The following KIAA1755 variants were observed in gnomAD, a reference collection of about 807,000 sequenced individuals.
KIAA1755 encodes uncharacterized protein KIAA1755.
KIAA1755 carries 68 observed loss-of-function variants against 91.7 expected under a neutral mutation model. The observed-to-expected ratio is 0.74, with a 90% CI of 0.61 to 0.91. The LOEUF is 0.91. Ranked by LOEUF, KIAA1755 falls within the 40% of genes least tolerant of loss-of-function variation. KIAA1755 has a pLI of 0.00. For missense variants in KIAA1755, 1,535 were observed against 1,494.4 expected (o/e 1.03, Z -0.45); for synonymous variants, 610 against 604.6 (o/e 1.01, Z -0.13).
intron 1 of KIAA1755, among the ~76,000 whole-genome samples, chr20:38,246,902 A>C (rs1464920029): frequency 6.6e-6 from 1 of 152,054 alleles, no homozygotes; most frequent in Non-Finnish European, 1.5e-5. Flanking sequence ...ACCCACAATC[A>C]GCCCTCAGTG....
At chr20:38,219,414 AGCTCTTGGG>A (rs2075614331) in intron 11 of KIAA1755, among the ~76,000 whole-genome samples, 1 of 152,224 alleles carries the variant, frequency 6.6e-6, no homozygotes, top group Admixed American at 6.5e-5. Context: ...CAATAAGTGC[AGCTCTTGGG>A]GCTATGTTTT....
chr20:38,230,616 C>T (rs969767861), intron 5 of KIAA1755, among the ~76,000 whole-genome samples: 6 of 152,184 alleles, frequency 3.9e-5, no homozygotes, highest in African/African-American at 1.2e-4. Flanking sequence ...CGGCCAGGCA[C>T]GGTGGCTCAC....
At position 38,228,139 on chromosome 20, in the gene KIAA1755, C is replaced by A. The variant is rs759502617; in HGVS notation, c.1965+8G>T. 6.3e-7 allele frequency: 1 copy of A among 1,589,170 alleles called. No individual in the cohort carries two copies. Among genetic ancestry groups the A allele is most frequent in the Non-Finnish European group, 8.6e-7 (1 of 1,168,194 alleles). On this transcript the variant is annotated splice_region_variant and intron_variant, in intron 6 of 13. Transcript: ENST00000279024. ...TTACTAGGCTAAGGCTCTCCACCTC[C>A]CACTCACCTGGGTGGCCTGCAGGGC...
At chr20:38,233,813 TA>T (rs1244845775) in intron 4 of KIAA1755, 1 of 152,196 alleles carries the variant, frequency 6.6e-6, no homozygotes, top group African/African-American at 2.4e-5. Context: ...CACTAGGTGT[TA>T]GGGGCGAAGC....
chr20:38,258,914 G>A (rs1376234110), intron 1 of KIAA1755, among the ~76,000 whole-genome samples: 1 of 152,216 alleles, frequency 6.6e-6, no homozygotes, highest in Non-Finnish European at 1.5e-5. Context: ...GGGGTTCAAT[G>A]AGGGGTTTCT....
intron 4 of KIAA1755, among the ~76,000 whole-genome samples, chr20:38,232,488 C>T (rs2075885348): frequency 6.6e-6 from 1 of 151,958 alleles, no homozygotes; most frequent in South Asian, 2.1e-4. Context: ...ATTAGCCAGG[C>T]ATGGTGGCGG....
chr20:38,242,079 C>G, intron 2 of KIAA1755, 150 bp from the exon 3 acceptor site: 1 of 778,768 alleles, frequency 1.3e-6, no homozygotes, highest in South Asian at 1.8e-5. Flanking sequence ...CAAGGTTGTG[C>G]AAAGGTTGAC....
chr20:38,246,140 G>T lies in KIAA1755; in HGVS notation c.4-14C>A. 1 of 1,607,800 alleles carries T rather than the reference G, an allele frequency of 6.2e-7. No homozygotes were observed. Among genetic ancestry groups the T allele is most frequent in the South Asian group, 1.1e-5 (1 of 90,710 alleles). On this transcript the variant is annotated splice_polypyrimidine_tract_variant and intron_variant, in intron 1 of 13. Coordinates refer to ENST00000279024, the MANE Select transcript of KIAA1755 (RefSeq NM_001029864.2). The stretch of plus-strand genomic sequence containing the variant: ...GGATGGAGGGTCCTGTGGGGGACAG[G>T]AGGAGGGGGTGATAATAGCAATGAT...
chr20:38,257,363 T>C (rs1035165187), intron 1 of KIAA1755, among the ~76,000 whole-genome samples: 2 of 152,036 alleles, frequency 1.3e-5, no homozygotes, highest in African/African-American at 4.8e-5. Flanking sequence ...GGAGGATCAC[T>C]TGAGGTCAGG....
chr20:38,234,084 T>G (rs1296526686), intron 4 of KIAA1755, among the ~76,000 whole-genome samples: 1 of 152,150 alleles, frequency 6.6e-6, no homozygotes, highest in Non-Finnish European at 1.5e-5. Flanking sequence ...TGCCAACACC[T>G]TGATCTTGGA....
chr20:38,227,291 C>T, intron 6 of KIAA1755, 51 bp from the exon 7 acceptor site: 1 of 1,425,586 alleles, frequency 7.0e-7, no homozygotes, highest in Non-Finnish European at 9.8e-7. Context: ...TTCATGAAGC[C>T]TCACACACTT....
In KIAA1755 at chr20:38,222,690, A is replaced by G. The variant is rs745725528; in HGVS notation, c.2269-93T>C. The G allele has an allele frequency of 3.6e-6, 5 of 1,372,942 alleles. No homozygotes were observed. In the South Asian group the frequency reaches 6.2e-5, roughly 17 times the overall value. The allele number at this position is 1,372,942 out of a possible 1,614,324, so 85.0% of individuals were successfully genotyped here. On this transcript the variant is annotated intron_variant, in intron 9 of 13. Coordinates refer to ENST00000279024, the MANE Select transcript of KIAA1755 (RefSeq NM_001029864.2). ...CACACCCAGATCAAGTCCAACTCCCAGTTTGGCATTCAAGGTCCTCCAGAA... is the reference window on the plus strand; with the variant it reads ...CACACCCAGATCAAGTCCAACTCCCGGTTTGGCATTCAAGGTCCTCCAGAA...
At chr20:38,214,091 A>G (rs1272692730) in intron 13 of KIAA1755, among the ~76,000 whole-genome samples, 1 of 151,868 alleles carries the variant, frequency 6.6e-6, no homozygotes, top group Non-Finnish European at 1.5e-5. Context: ...AGCTGAGGCT[A>G]TAGGCACCTG....
intron 4 of KIAA1755, chr20:38,233,710 T>A (rs547731833): frequency 1.3e-5 from 2 of 152,332 alleles, no homozygotes; most frequent in South Asian, 4.1e-4. Flanking sequence ...TAACCTTCTA[T>A]GGCTCCTTGT....
Position 38,211,002 on chromosome 20 carries a change from C to T in KIAA1755, c.*2040G>A, listed in dbSNP as rs2075445424. 6.6e-6 allele frequency: 1 copy of T among 152,276 alleles called. No individual in the cohort carries two copies. Among genetic ancestry groups the T allele is most frequent in the South Asian group, 2.1e-4 (1 of 4,828 alleles). The allele number at this position is 152,276 out of a possible 1,614,324, so 9.4% of individuals were successfully genotyped here. A position where few individuals can be genotyped will look rare whatever the true frequency, so the allele number is the denominator to read the frequency against. ...CGGGTGTTCCCCAAATGCACCCCCA[C>T]TTTGCTGAGTCACACAGGAAGAGCA... On this transcript the variant is annotated 3_prime_UTR_variant, in exon 14 of 14. Coordinates refer to ENST00000279024, the MANE Select transcript of KIAA1755 (RefSeq NM_001029864.2).
At position 38,213,397 on chromosome 20, in the gene KIAA1755, T is replaced by G; in HGVS notation, c.3248A>C (p.Glu1083Ala). ...ATCCCACCTCCCCTTGGAAGTGACC[T>G]CTACACTCACACCCTGGCCCTTGGC... ...VAAKGQGVSV[E>A]VTSKGRWDQP... Residue 1083 changes from glutamate to alanine, a missense_variant, in exon 14 of 14, where the codon GAG (glutamate) becomes GCG (alanine). Glu to Ala is a moderately radical substitution (Grantham distance 107). Transcript: ENST00000279024. The G allele has an allele frequency of 6.2e-7, 1 of 1,601,298 alleles. No individual in the cohort carries two copies. The highest frequency in any genetic ancestry group is 1.3e-5 in the African/African-American group (1 of 74,812).
intron 2 of KIAA1755, among the ~76,000 whole-genome samples, chr20:38,245,715 G>A (rs1472129681): frequency 2.0e-5 from 3 of 152,184 alleles, no homozygotes; most frequent in Non-Finnish European, 4.4e-5. Flanking sequence ...ACAGTACAAT[G>A]TAATGAACTC....
chr20:38,232,933 C>T (rs1568752136), intron 4 of KIAA1755, among the ~76,000 whole-genome samples: 1 of 151,994 alleles, frequency 6.6e-6, no homozygotes, highest in Non-Finnish European at 1.5e-5. Flanking sequence ...GCCTGGGCAA[C>T]ATAGCAAGAC....
chr20:38,217,374 A>G lies in KIAA1755; in HGVS notation c.2780T>C (p.Leu927Pro). The G allele has an allele frequency of 1.2e-6, 2 of 1,613,546 alleles. No homozygotes were observed. The highest frequency in any genetic ancestry group is 1.7e-6 in the Non-Finnish European group (2 of 1,179,818). ...CCGCTGGGTAGAGGCAAAGGCTGCC[A>G]GCTCTGGGAACTCTGCACGTTCTGC... Reference protein sequence around the residue: ...GEAERAEFPELAAFASTQRAF... With the variant: ...GEAERAEFPEPAAFASTQRAF... The change falls in exon 13 of 14, where the codon CTG becomes CCG. Residue 927 changes from leucine to proline, a missense_variant. Coordinates refer to ENST00000279024, the MANE Select transcript of KIAA1755 (RefSeq NM_001029864.2).
Sources: gnomAD v4.1 joint callset for allele counts (sites outside exome capture counted in the v4.1 genomes callset) on GRCh38, gnomAD v4.1.1 for gene constraint, MANE v1.5 for transcripts, NCBI Gene and HGNC (gene_info 2026-07-23, HGNC 2026-07-21) for gene names.